Variants in MAP3K19 observed in about 807,000 individuals in gnomAD.
The protein encoded by MAP3K19 is mitogen-activated protein kinase kinase kinase 19.
MAP3K19 carries 91 observed loss-of-function variants against 114.4 expected under a neutral mutation model. The observed-to-expected ratio is 0.80, with a 90% CI of 0.67 to 0.95. The LOEUF is 0.95. MAP3K19 is among the 40% of genes least tolerant of loss of function. The probability of loss-of-function intolerance (pLI) is 0.00; values close to 1 mark genes in which losing one functional copy is unlikely to be tolerated. For missense variants in MAP3K19, 1,471 were observed against 1,573.2 expected, an observed-to-expected ratio of 0.94 and a Z score of 1.10; for synonymous variants, 518 against 530.5, an observed-to-expected ratio of 0.98 and a Z score of 0.32.
chr2:135,006,953 G>A (rs554972211), intron 5 of MAP3K19, among the ~76,000 whole-genome samples: 2 of 151,980 alleles, frequency 1.3e-5, no homozygotes, highest in South Asian at 2.1e-4. Context: ...CGAGATGGGT[G>A]GATTGCTTGA....
At chr2:134,984,639 C>T (rs1684961695) in intron 10 of MAP3K19, among the ~76,000 whole-genome samples, 1 of 152,152 alleles carries the variant, frequency 6.6e-6, no homozygotes, top group Admixed American at 6.6e-5. Context: ...GTATGTTCTT[C>T]TGACCAATAA....
chr2:134,990,944 T>C (rs1685523576), intron 9 of MAP3K19, among the ~76,000 whole-genome samples: 1 of 152,088 alleles, frequency 6.6e-6, no homozygotes, highest in Non-Finnish European at 1.5e-5. Flanking sequence ...TCTGTAACCC[T>C]AGCACTTTGG....
At chr2:134,988,576 G>T (rs1685345458) in intron 9 of MAP3K19, among the ~76,000 whole-genome samples, 1 of 151,974 alleles carries the variant, frequency 6.6e-6, no homozygotes, top group Non-Finnish European at 1.5e-5. Context: ...TTTTAGTAGA[G>T]ACAAGGTCTC....
At chr2:135,013,571 C>T (rs929790990) in intron 5 of MAP3K19, among the ~76,000 whole-genome samples, 5 of 152,056 alleles carry the variant, frequency 3.3e-5, no homozygotes, top group African/African-American at 7.2e-5. Flanking sequence ...ATCTTCTTTG[C>T]TCTGCCTATT....
intron 4 of MAP3K19, among the ~76,000 whole-genome samples, chr2:135,023,833 T>C (rs1021094583): frequency 6.6e-6 from 1 of 152,140 alleles, no homozygotes; most frequent in Non-Finnish European, 1.5e-5. Flanking sequence ...TAGGAACAGG[T>C]TAATATTCCT....
At chr2:135,012,179 C>A (rs1013337388) in intron 5 of MAP3K19, among the ~76,000 whole-genome samples, 2 of 152,128 alleles carry the variant, frequency 1.3e-5, no homozygotes, top group Admixed American at 6.5e-5. Flanking sequence ...CCAGATAATT[C>A]TTGGCTGTGG....
At chr2:134,996,657 C>T (rs116275085) in intron 8 of MAP3K19, among the ~76,000 whole-genome samples, 1,528 of 152,276 alleles carry the variant, frequency 0.01, 22 homozygotes, top group African/African-American at 0.034. Context: ...CAAATATTCA[C>T]ATGCATGTTT....
At chr2:135,001,990 T>C (rs771595907) in intron 6 of MAP3K19, among the ~76,000 whole-genome samples, 33 of 152,372 alleles carry the variant, frequency 2.2e-4, no homozygotes, top group Admixed American at 3.3e-4. Context: ...TGAAATCCAC[T>C]AGAAACATAC....
At chr2:134,980,749 A>C in intron 12 of MAP3K19, 72 bp downstream of exon 12, 2 of 1,398,742 alleles carry the variant, frequency 1.4e-6, no homozygotes, top group Non-Finnish European at 2.0e-6. Context: ...TGGGCCATAA[A>C]TTGAAAGGGA....
chr2:135,009,162 AAT>A (rs1238371482), intron 5 of MAP3K19, among the ~76,000 whole-genome samples: 1 of 147,984 alleles, frequency 6.8e-6, no homozygotes, highest in Non-Finnish European at 1.5e-5. Context: ...ATGGCGTTTC[AAT>A]ATGTTTACCA....
At position 134,980,840 on chromosome 2, in the gene MAP3K19, CAA is replaced by C; in HGVS notation, c.3899_3900del (p.Phe1300CysfsTer11). 6.2e-7 allele frequency: 1 copy of C among 1,613,780 alleles called. No individual in the cohort carries two copies. The highest frequency in any genetic ancestry group is 8.5e-7 in the Non-Finnish European group (1 of 1,179,650). On this transcript the variant is annotated frameshift_variant, in exon 12 of 13. Transcript: ENST00000392915. LOFTEE classifies it high-confidence loss of function. ...TCTTACCTGGTCAGGCACATGCGCA[CAA>C]AGTCTGCTGCATTTTCTGAGAAGTG... ...PDHFSENAADFVRMCLTRDQH... is the reference protein window; with the variant it reads ...PDHFSENAADXVRMCLTRDQH...
Position 134,986,869 on chromosome 2 carries a change from G to T in MAP3K19, c.2003C>A (p.Thr668Asn), listed in dbSNP as rs1685168023. The T allele has an allele frequency of 6.2e-7, 1 of 1,614,100 alleles. No homozygotes were observed. Among genetic ancestry groups the T allele is most frequent in the Middle Eastern group, 1.6e-4 (1 of 6,062 alleles). ...CTCTCGCACATGACAATAAACAGGGGTCCCAAACATTTCATAGATTCCAGG... is the reference window on the plus strand; with the variant it reads ...CTCTCGCACATGACAATAAACAGGGTTCCCAAACATTTCATAGATTCCAGG... ...NGPGIYEMFG[T>N]PVYCHVRETE... Residue 668 changes from threonine to asparagine, a missense_variant, in exon 10 of 13, where the codon ACC becomes AAC. By Grantham distance (65) the Thr-to-Asn change is moderately conservative. Coordinates refer to ENST00000392915, the MANE Select transcript of MAP3K19 (RefSeq NM_025052.5).
chr2:135,042,520 GAAAAAAGAAAATTA>G (rs1688666571), intron 1 of MAP3K19, among the ~76,000 whole-genome samples: 2 of 144,594 alleles, frequency 1.4e-5, no homozygotes, highest in African/African-American at 5.0e-5. Context: ...AAAAAAAAAA[GAAAAAAGAAAATTA>G]AAAAGAAAAA....
chr2:135,027,951 A>G (rs1440050751), intron 3 of MAP3K19, among the ~76,000 whole-genome samples: 1 of 152,218 alleles, frequency 6.6e-6, no homozygotes, highest in Non-Finnish European at 1.5e-5. Flanking sequence ...AGGTGATCAA[A>G]TCACCCTGAT....
chr2:134,968,296 T>C (rs1420032010), intron 12 of MAP3K19, among the ~76,000 whole-genome samples: 3 of 151,958 alleles, frequency 2.0e-5, no homozygotes, highest in African/African-American at 7.3e-5. Flanking sequence ...GATTTCTCAG[T>C]CTTTTCCCCA....
intron 6 of MAP3K19, among the ~76,000 whole-genome samples, chr2:135,004,426 C>A (rs1411472225): frequency 6.6e-6 from 1 of 152,092 alleles, no homozygotes; most frequent in African/African-American, 2.4e-5. Flanking sequence ...GGCGGCTGCC[C>A]AGGAGAGGGC....
In MAP3K19 at chr2:134,998,972, A is replaced by G. The variant is rs1686231741; in HGVS notation, c.340T>C (p.Trp114Arg). The part of the protein sequence containing the change: ...KNLINSSLQE[W>R]AQAHAVSHPN... ...TGAGAAACTGCATGTGCTTGTGCCC[A>G]TTCTTGAAGCGATGAGTTTATCAGA... Residue 114 changes from tryptophan (W) to arginine (R), a missense_variant, in exon 8 of 13, where the codon TGG (tryptophan) becomes CGG (arginine). Transcript: ENST00000392915. The G allele has an allele frequency of 1.2e-6, 2 of 1,613,382 alleles. No individual in the cohort carries two copies. The highest frequency in any genetic ancestry group is 1.7e-4 in the Middle Eastern group (1 of 6,050).
At chr2:134,968,771 T>C (rs1683626819) in intron 12 of MAP3K19, among the ~76,000 whole-genome samples, 1 of 148,844 alleles carries the variant, frequency 6.7e-6, no homozygotes, top group Admixed American at 6.7e-5. Context: ...GCAGAGACGC[T>C]CCTCACCTCC....
At position 134,986,447 on chromosome 2, in the gene MAP3K19, T is replaced by C. The variant is rs1474656688; in HGVS notation, c.2425A>G (p.Ile809Val). Residue 809 changes from isoleucine to valine, a missense_variant, in exon 10 of 13, where the codon ATT becomes GTT. Physicochemically the swap from Ile to Val is conservative, Grantham distance 29. Coordinates refer to ENST00000392915, the MANE Select transcript of MAP3K19 (RefSeq NM_025052.5). Reference protein sequence around the residue: ...NEFPPVSDLSIVEEVSMEEST... With the variant: ...NEFPPVSDLSVVEEVSMEEST... Reference sequence around the variant, plus strand: ...TCTTCCATAGAAACTTCTTCAACAATGGATAAATCTGAGACAGGAGGGAAT... The same window carrying C: ...TCTTCCATAGAAACTTCTTCAACAACGGATAAATCTGAGACAGGAGGGAAT... The C allele has an allele frequency of 1.9e-6, 3 of 1,614,108 alleles. No homozygotes were observed. The South Asian group carries it at 3.3e-5, about 18-fold the overall frequency.
Sources: gnomAD v4.1 joint callset for allele counts (sites outside exome capture counted in the v4.1 genomes callset) on GRCh38, gnomAD v4.1.1 for gene constraint, MANE v1.5 for transcripts, NCBI Gene and HGNC (gene_info 2026-07-23, HGNC 2026-07-21) for gene names.